AP4M1: variants seen among roughly 807,000 people sequenced by gnomAD.
The protein encoded by AP4M1 is AP-4 complex subunit mu-1.
Under a neutral mutation model 62.4 loss-of-function variants are expected in AP4M1, and 58 were observed. The observed-to-expected ratio is 0.93, with a 90% CI of 0.75 to 1.16. AP4M1 has a LOEUF of 1.16. Ranked by LOEUF, AP4M1 falls within the 50% of genes most tolerant of loss-of-function variation. The probability of loss-of-function intolerance (pLI) is 0.00; values close to 1 mark genes in which losing one functional copy is unlikely to be tolerated. For missense variants in AP4M1, 626 were observed against 585.4 expected (o/e 1.07, Z -0.72); for synonymous variants, 290 against 239.7 (o/e 1.21, Z -1.94).
At chr7:100,104,211 TG>T (rs1796286865) in intron 7 of AP4M1, 57 bp downstream of exon 7, 6 of 1,514,992 alleles carry the variant, frequency 4.0e-6, no homozygotes, top group Middle Eastern at 1.7e-4. Flanking sequence ...GGAAACATGG[TG>T]GGGTGGCTAA....
At chr7:100,102,009 C>A in intron 2 of AP4M1, 41 bp downstream of exon 2, 1 of 1,607,618 alleles carries the variant, frequency 6.2e-7, no homozygotes, top group Non-Finnish European at 8.5e-7. Context: ...GGGGTCCCGT[C>A]GGGCCGGGTG....
Position 100,106,285 on chromosome 7 carries a change from T to C in AP4M1, c.1019T>C (p.Val340Ala), listed in dbSNP as rs753743683. The C allele has an allele frequency of 1.2e-6, 2 of 1,613,602 alleles. No individual in the cohort carries two copies. Among genetic ancestry groups the C allele is most frequent in the African/African-American group, 2.7e-5 (2 of 74,780 alleles). ...CTGCACCTCCCCCTGCCTCGAGGGG[T>C]GGTCAGGTGAGTGTGTGCACCCACC... ...VRLHLPLPRG[V>A]VSLSQELSSP... The change falls in exon 13 of 15, where the codon GTG becomes GCG. Residue 340 changes from valine to alanine, a missense_variant. Transcript: ENST00000359593.
At chr7:100,104,397 A>G (rs2116645850) in intron 7 of AP4M1, among the ~76,000 whole-genome samples, 1 of 152,110 alleles carries the variant, frequency 6.6e-6, no homozygotes, top group South Asian at 2.1e-4. Context: ...GGTAGTGTAC[A>G]CCTGCTGTCC....
chr7:100,102,662 G>A lies in AP4M1; in HGVS notation c.148-13G>A, dbSNP rs1400373529. 2 of 1,612,918 alleles carry A rather than the reference G, an allele frequency of 1.2e-6. No individual in the cohort carries two copies. Among genetic ancestry groups the A allele is most frequent in the Admixed American group, 1.7e-5 (1 of 59,988 alleles). On this transcript the variant is annotated splice_polypyrimidine_tract_variant and intron_variant, in intron 2 of 14. Coordinates refer to ENST00000359593, the MANE Select transcript of AP4M1 (RefSeq NM_004722.4). ...TTTTTTTAACGCCTCTCTTCTCCCTGCCTGTGTCTCAGCATCACCATGGCC... is the reference window on the plus strand; with the variant it reads ...TTTTTTTAACGCCTCTCTTCTCCCTACCTGTGTCTCAGCATCACCATGGCC...
intron 14 of AP4M1, 44 bp downstream of exon 14, chr7:100,106,558 T>A (rs534799210): frequency 6.3e-7 from 1 of 1,589,616 alleles, no homozygotes; most frequent in South Asian, 1.1e-5. Context: ...CACATTCACT[T>A]GCAGCCCCCA....
In AP4M1 at chr7:100,102,990, C is replaced by T. The variant is rs765841316; in HGVS notation, c.351+30C>T. 18 of 1,587,712 alleles carry T rather than the reference C, an allele frequency of 1.1e-5. 1 individual carries two copies. The highest frequency in any genetic ancestry group is 2.6e-6 in the Non-Finnish European group (3 of 1,156,548). On this transcript the variant is annotated intron_variant, in intron 4 of 14. Transcript: ENST00000359593. Reference sequence around the variant, plus strand: ...GAATCAACAATCCCCTTCTGTGGCCCCTACCCAATTCCCCTGAAGATACAT... The same window carrying T: ...GAATCAACAATCCCCTTCTGTGGCCTCTACCCAATTCCCCTGAAGATACAT...
chr7:100,101,357 A>C, upstream of AP4M1: 1 of 1,606,626 alleles, frequency 6.2e-7, no homozygotes, highest in Non-Finnish European at 8.5e-7. Context: ...GGGGAAGCTG[A>C]GAATCTCCGC....
In AP4M1 at chr7:100,101,674, C is replaced by A. The variant is rs749996381; in HGVS notation, c.-41C>A. 1.3e-6 allele frequency: 2 copies of A among 1,587,934 alleles called. No individual in the cohort carries two copies. Among genetic ancestry groups the A allele is most frequent in the Non-Finnish European group, 1.7e-6 (2 of 1,156,942 alleles). On this transcript the variant is annotated 5_prime_UTR_variant, in exon 1 of 15. Transcript: ENST00000359593. ...TTCCGGGGCCGCAGGGCGGGGCAGGCCCGACTTTCGCCGTCTTCTTGTCTA... is the reference window on the plus strand; with the variant it reads ...TTCCGGGGCCGCAGGGCGGGGCAGGACCGACTTTCGCCGTCTTCTTGTCTA...
chr7:100,101,988 G>T lies in AP4M1; in HGVS notation c.147+20G>T. The T allele has an allele frequency of 6.2e-7, 1 of 1,612,650 alleles. No individual in the cohort carries two copies. The highest frequency in any genetic ancestry group is 8.5e-7 in the Non-Finnish European group (1 of 1,179,736). Reference sequence around the variant, plus strand: ...GTCATGGTAACCAGTGGCGGGAGGCGGGTGAGGAGCGGGGTCCCGTCGGGC... The same window carrying T: ...GTCATGGTAACCAGTGGCGGGAGGCTGGTGAGGAGCGGGGTCCCGTCGGGC... On this transcript the variant is annotated intron_variant, in intron 2 of 14. Transcript: ENST00000359593.
rs754386660 is a variant in AP4M1 at position 100,105,527 on chromosome 7, G to C, written c.917G>C (p.Arg306Pro). 2 of 1,613,288 alleles carry C rather than the reference G, an allele frequency of 1.2e-6. No individual in the cohort carries two copies. Residue 306 changes from arginine to proline, a missense_variant, in exon 11 of 15, where the codon CGA becomes CCA. Coordinates refer to ENST00000359593, the MANE Select transcript of AP4M1 (RefSeq NM_004722.4). ...FRLFPSVQWD[R>P]GSGRLQVYLK... ...CTCTTCCCCTCTGTGCAGTGGGACCGAGGCTCAGGCCGGTGAGACAATTTC... is the reference window on the plus strand; with the variant it reads ...CTCTTCCCCTCTGTGCAGTGGGACCCAGGCTCAGGCCGGTGAGACAATTTC...
chr7:100,102,961 G>C lies in AP4M1; in HGVS notation c.351+1G>C, dbSNP rs780313810. ...ATACGAACTCCTGGATGAAGTGCTGGTGAGAATCAACAATCCCCTTCTGTG... is the reference window on the plus strand; with the variant it reads ...ATACGAACTCCTGGATGAAGTGCTGCTGAGAATCAACAATCCCCTTCTGTG... On this transcript the variant is annotated splice_donor_variant, in intron 4 of 14. Transcript: ENST00000359593. LOFTEE classifies it high-confidence loss of function. 1 of 1,613,450 alleles carries C rather than the reference G, an allele frequency of 6.2e-7. No individual in the cohort carries two copies. The highest frequency in any genetic ancestry group is 1.1e-5 in the South Asian group (1 of 91,054).
upstream of AP4M1, chr7:100,100,891 G>A (rs1795976121): frequency 3.8e-6 from 4 of 1,051,718 alleles, no homozygotes; most frequent in African/African-American, 1.7e-5. Context: ...GGAGGGCGCG[G>A]GAACCTGGGA....
chr7:100,105,645 G>A (rs977958751), intron 11 of AP4M1, 106 bp downstream of exon 11: 30 of 1,201,186 alleles, frequency 2.5e-5, no homozygotes, highest in Middle Eastern at 4.5e-4. Flanking sequence ...GTGATGGAGT[G>A]CAAATTGGAA....
At chr7:100,102,184 C>T in intron 2 of AP4M1, 1 of 638,228 alleles carries the variant, frequency 1.6e-6, no homozygotes. Flanking sequence ...AGTTCGAAAT[C>T]AGCCTGGCCA....
Position 100,107,345 on chromosome 7 carries a change from C to G in AP4M1, c.*463C>G. 2.6e-6 allele frequency: 4 copies of G among 1,550,992 alleles called. No homozygotes were observed. Among genetic ancestry groups the G allele is most frequent in the Non-Finnish European group, 2.6e-6 (3 of 1,147,598 alleles). ...GACTGTCCCCAGCCTCCTGCTTCCC[C>G]CCACAAAGGGCACTGCCGCTGAGTG... On this transcript the variant is annotated 3_prime_UTR_variant, in exon 15 of 15. Transcript: ENST00000359593.
Position 100,106,942 on chromosome 7 carries a change from G to GT in AP4M1, c.*63dup. 6.5e-7 allele frequency: 1 copy of GT among 1,546,702 alleles called. No homozygotes were observed. ...CAGTTTGTCCCACGGGAGGACAGTCGTTTCTTTTCCAGCCTCCTGGCCTTC... is the reference window on the plus strand; with the variant it reads ...CAGTTTGTCCCACGGGAGGACAGTCGTTTTCTTTTCCAGCCTCCTGGCCTTC... On this transcript the variant is annotated 3_prime_UTR_variant, in exon 15 of 15. Coordinates refer to ENST00000359593, the MANE Select transcript of AP4M1 (RefSeq NM_004722.4).
Position 100,104,147 on chromosome 7 carries a change from C to T in AP4M1, c.599C>T (p.Ala200Val). 1 of 1,613,838 alleles carries T rather than the reference C, an allele frequency of 6.2e-7. No homozygotes were observed. Among genetic ancestry groups the T allele is most frequent in the Non-Finnish European group, 8.5e-7 (1 of 1,179,808 alleles). ...GTCGAGAGATTGTCTGTACTGATAG[C>T]ATCTAATGTAAGTTTGAGCTCCCAA... ...DVVERLSVLI[A>V]SNGSLLKVDV... The change falls in exon 7 of 15, where the codon GCA (alanine) becomes GTA (valine). Residue 200 changes from alanine to valine, a missense_variant. Physicochemically the swap from Ala to Val is moderately conservative, Grantham distance 64. Coordinates refer to ENST00000359593, the MANE Select transcript of AP4M1 (RefSeq NM_004722.4).
At chr7:100,101,592 G>A (rs1796036903), upstream of AP4M1, 7 of 1,089,476 alleles carry the variant, frequency 6.4e-6, no homozygotes, top group South Asian at 7.6e-5. Flanking sequence ...CGCGGTCCGA[G>A]CTGGCGCGGG....
chr7:100,106,335 T>C lies in AP4M1; in HGVS notation c.1025+44T>C, dbSNP rs2293479. 478,220 of 1,611,980 alleles carry C rather than the reference T, an allele frequency of 0.3. 72,790 individuals are homozygous for C. Among genetic ancestry groups the C allele is most frequent in the East Asian group, 0.42 (18,783 of 44,810 alleles). On this transcript the variant is annotated intron_variant, in intron 13 of 14. Transcript: ENST00000359593. ...CACGGGGAGATTCCTGGGGAGAGAG[T>C]GAGCTCAGCATGACGGGTCTGCCTC...
Sources: gnomAD v4.1 joint callset for allele counts (sites outside exome capture counted in the v4.1 genomes callset) on GRCh38, gnomAD v4.1.1 for gene constraint, MANE v1.5 for transcripts, NCBI Gene and HGNC (gene_info 2026-07-23, HGNC 2026-07-21) for gene names.